Variants in MAP2K5 observed in about 807,000 individuals in gnomAD.
MAP2K5 encodes dual specificity mitogen-activated protein kinase kinase 5.
In MAP2K5, 49 loss-of-function variants were observed where a neutral mutation model predicts 83.1. The observed-to-expected ratio is 0.59, with a 90% CI of 0.47 to 0.75. The LOEUF is 0.75. Ranked by LOEUF, MAP2K5 falls within the 30% of genes least tolerant of loss-of-function variation. The pLI, the probability that MAP2K5 is intolerant of heterozygous loss-of-function variation, is 0.00. For missense variants in MAP2K5, 457 were observed against 557.5 expected (o/e 0.82, Z 1.82); for synonymous variants, 202 against 191.8 (o/e 1.05, Z -0.44).
chr15:67,787,945 C>A (rs59493437), intron 21 of MAP2K5, among the ~76,000 whole-genome samples: 215 of 152,238 alleles, frequency 1.4e-3, no homozygotes, highest in African/African-American at 5.0e-3. Context: ...CAGTCTATTA[C>A]CCAAAAATAA....
rs566207968 is a variant in MAP2K5, at chr15:67,713,068, TATAAC to T, written c.1044+9663_1044+9667del. 2.3e-3 allele frequency among the ~76,000 whole-genome samples: 351 copies of T among 152,294 alleles called. 3 individuals carry two copies. Among genetic ancestry groups the T allele is most frequent in the African/African-American group, 7.9e-3 (327 of 41,560 alleles). On this transcript the variant is annotated intron_variant, in intron 16 of 21. Coordinates refer to ENST00000178640, the MANE Select transcript of MAP2K5 (RefSeq NM_145160.3). ...AAAGAAAAATTTTAAATTTTAATGT[TATAAC>T]ATGGGAAAAATATATGTTTGTACAA...
chr15:67,628,650 G>C, intron 8 of MAP2K5: 1 of 1,038,780 alleles, frequency 9.6e-7, no homozygotes, highest in Non-Finnish European at 1.5e-6. Flanking sequence ...CTGTGGATAA[G>C]ACTGTCATTC....
chr15:67,648,563 A>G (rs577713681), intron 11 of MAP2K5, among the ~76,000 whole-genome samples: 2 of 127,066 alleles, frequency 1.6e-5, no homozygotes, highest in East Asian at 4.7e-4. Context: ...TTGTGTGGAC[A>G]TACGTTTTCA....
intron 21 of MAP2K5, among the ~76,000 whole-genome samples, chr15:67,788,476 C>G (rs2090457279): frequency 6.6e-6 from 1 of 152,154 alleles, no homozygotes; most frequent in African/African-American, 2.4e-5. Flanking sequence ...TCACCTTGAG[C>G]AAGTTACTTC....
In MAP2K5 at chr15:67,779,515, A is replaced by G. The variant is rs1403218208; in HGVS notation, c.1242+6763A>G. On this transcript the variant is annotated intron_variant, in intron 21 of 21. Transcript: ENST00000178640. The surrounding 1 kb of genome is among the most constrained non-coding windows in gnomAD (Gnocchi z 4.6). ...AGCAGATAAATATGTGTGTGTATGT[A>G]TATGTCTTTATATGCATGCGCATAG... Among the ~76,000 whole-genome samples the G allele has an allele frequency of 2.6e-5, 4 of 152,246 alleles. No individual in the cohort carries two copies. Among genetic ancestry groups the G allele is most frequent in the Non-Finnish European group, 4.4e-5 (3 of 68,042 alleles).
intron 13 of MAP2K5, among the ~76,000 whole-genome samples, chr15:67,691,396 G>A (rs2088111040): frequency 6.6e-6 from 1 of 152,198 alleles, no homozygotes; most frequent in Non-Finnish European, 1.5e-5. Flanking sequence ...GTTACTGTGT[G>A]TGAACTTGAA....
rs1427076095 is a variant in MAP2K5 at position 67,563,264 on chromosome 15, A to C, written c.185-19A>C. 3.1e-6 allele frequency: 5 copies of C among 1,606,288 alleles called. No homozygotes were observed. The Admixed American group carries it at 6.9e-5, about 22-fold the overall frequency. On this transcript the variant is annotated intron_variant, in intron 2 of 21. Transcript: ENST00000178640. This position sits in a 1 kb window ranked among gnomAD's most constrained non-coding sequence, Gnocchi z 4.5. ...AACAAATGCACACCTTATCATTTGC[A>C]TTATGTGCTTTTAAACAGATGAAGA...
At chr15:67,695,304 C>G (rs183304432) in intron 15 of MAP2K5, among the ~76,000 whole-genome samples, 1 of 152,016 alleles carries the variant, frequency 6.6e-6, no homozygotes, top group Non-Finnish European at 1.5e-5. Flanking sequence ...GAACCTTATT[C>G]TAAACCTAAT....
intron 8 of MAP2K5, among the ~76,000 whole-genome samples, chr15:67,620,472 G>A (rs964252490): frequency 1.3e-5 from 2 of 151,956 alleles, no homozygotes; most frequent in African/African-American, 4.8e-5. Flanking sequence ...GAACATATAA[G>A]GCAATAGAGT....
intron 9 of MAP2K5, among the ~76,000 whole-genome samples, chr15:67,635,408 C>G (rs1448958317): frequency 6.6e-6 from 1 of 152,126 alleles, no homozygotes. Context: ...AACTCCTGAC[C>G]TTGTGATCTG....
intron 6 of MAP2K5, among the ~76,000 whole-genome samples, chr15:67,590,426 C>CT (rs1567294535): frequency 8.3e-5 from 2 of 23,966 alleles, no homozygotes; most frequent in African/African-American, 2.2e-4. Context: ...TCCCTCCCTC[C>CT]CTCTCTCTCT....
chr15:67,585,895 A>C lies in MAP2K5; in HGVS notation c.328A>C (p.Lys110Gln). 6.2e-7 allele frequency: 1 copy of C among 1,613,976 alleles called. No individual in the cohort carries two copies. Among genetic ancestry groups the C allele is most frequent in the Non-Finnish European group, 8.5e-7 (1 of 1,179,866 alleles). The change falls in exon 5 of 22, where the codon AAG (lysine) becomes CAG (glutamine). Residue 110 changes from lysine (K) to glutamine (Q), a missense_variant. Transcript: ENST00000178640. ...TTAGTCAATTACTGTTTCAGCCTGC[A>C]AGCCTCCTGGGGAACGGAACATACA... ...EPLQIFPRAC[K>Q]PPGERNIHGL...
Position 67,690,886 on chromosome 15 carries a change from G to T in MAP2K5, c.848-1593G>T, listed in dbSNP as rs187875103. Among the ~76,000 whole-genome samples, 163 of 152,206 alleles carry T rather than the reference G, an allele frequency of 1.1e-3. 1 individual carries two copies. The highest frequency in any genetic ancestry group is 3.8e-3 in the African/African-American group (159 of 41,538). Reference sequence around the variant, plus strand: ...TAAAAAGCCATTAATCAGTGAGCAAGATACTGTGCTTGGAAGGGATACATT... The same window carrying T: ...TAAAAAGCCATTAATCAGTGAGCAATATACTGTGCTTGGAAGGGATACATT... On this transcript the variant is annotated intron_variant, in intron 13 of 21. Coordinates refer to ENST00000178640, the MANE Select transcript of MAP2K5 (RefSeq NM_145160.3). The surrounding 1 kb of genome is among the most constrained non-coding windows in gnomAD (Gnocchi z 4.3).
At chr15:67,763,278 T>C (rs900064412) in intron 19 of MAP2K5, among the ~76,000 whole-genome samples, 3 of 152,148 alleles carry the variant, frequency 2.0e-5, no homozygotes, top group African/African-American at 7.2e-5. Context: ...TGATTGTTCC[T>C]TCATGGAGTG....
intron 13 of MAP2K5, among the ~76,000 whole-genome samples, chr15:67,687,719 T>A (rs1052706955): frequency 2.6e-5 from 4 of 152,206 alleles, no homozygotes; most frequent in African/African-American, 9.7e-5. Flanking sequence ...GCCAAATTCA[T>A]GCTCTTCTGG....
At chr15:67,763,468 C>T (rs1417420444) in intron 19 of MAP2K5, among the ~76,000 whole-genome samples, 1 of 152,080 alleles carries the variant, frequency 6.6e-6, no homozygotes, top group Non-Finnish European at 1.5e-5. Context: ...TCTCCCCTGT[C>T]TACATTCTGT....
Position 67,748,402 on chromosome 15 carries a change from A to G in MAP2K5, c.1101+145A>G. ...TTTAACTGCCTGTATTAGATTAGGT[A>G]CCATTAGAAATAATAGAACCTCCTG... On this transcript the variant is annotated intron_variant, in intron 18 of 21. Coordinates refer to ENST00000178640, the MANE Select transcript of MAP2K5 (RefSeq NM_145160.3). The surrounding 1 kb of genome is among the most constrained non-coding windows in gnomAD (Gnocchi z 4.0). The G allele has an allele frequency of 2.4e-6, 2 of 829,952 alleles. No individual in the cohort carries two copies. Among genetic ancestry groups the G allele is most frequent in the African/African-American group, 1.7e-5 (1 of 58,566 alleles). 51.4% of individuals were successfully genotyped at this position (829,952 alleles called of 1,614,324 possible). A position where few individuals can be genotyped will look rare whatever the true frequency, so the allele number is the denominator to read the frequency against.
chr15:67,575,287 T>A (rs532218632), intron 3 of MAP2K5, among the ~76,000 whole-genome samples: 2 of 151,734 alleles, frequency 1.3e-5, no homozygotes, highest in East Asian at 3.9e-4. Context: ...AATCCTGCAT[T>A]TAAAGGAGAG....
chr15:67,771,474 A>G (rs1227996454), intron 20 of MAP2K5, among the ~76,000 whole-genome samples: 2 of 152,204 alleles, frequency 1.3e-5, no homozygotes, highest in Non-Finnish European at 2.9e-5. Context: ...TAAAAGTTTT[A>G]TGGAGACAGA....
Sources: gnomAD v4.1 joint callset for allele counts (sites outside exome capture counted in the v4.1 genomes callset) on GRCh38, gnomAD v4.1.1 for gene constraint, Gnocchi (gnomAD v3.1) non-coding constraint, MANE v1.5 for transcripts, NCBI Gene and HGNC (gene_info 2026-07-23, HGNC 2026-07-21) for gene names.